The following ANK2 variants were observed in gnomAD, a reference collection of about 807,000 sequenced individuals.
ANK2 encodes ankyrin-2.
Under a neutral mutation model 360.5 loss-of-function variants are expected in ANK2, and 83 were observed. The observed-to-expected ratio is 0.23, with a 90% CI of 0.19 to 0.28. The LOEUF (loss-of-function observed/expected upper bound fraction) is 0.28, where lower values mean the gene tolerates loss of function less well. Among genes scored for constraint, ANK2 ranks in the 10% least tolerant of loss-of-function variants. The pLI, the probability that ANK2 is intolerant of heterozygous loss-of-function variation, is 1.00. For synonymous variants in ANK2, 1,740 were observed against 1,759.5 expected, an observed-to-expected ratio of 0.99 and a Z score of 0.28; for missense variants, 4,201 against 4,795.7, an observed-to-expected ratio of 0.88 and a Z score of 3.66.
intron 2 of ANK2, among the ~76,000 whole-genome samples, chr4:113,029,823 A>G (rs1159168061): frequency 6.6e-6 from 1 of 152,110 alleles, no homozygotes; most frequent in Non-Finnish European, 1.5e-5. Context: ...TTAAAGAGGT[A>G]CAGTTATGGA....
At chr4:112,742,973 A>G in the ANK2 span, among the ~76,000 whole-genome samples, 1 of 152,148 alleles carries the variant, frequency 6.6e-6, no homozygotes, top group African/African-American at 2.4e-5. Flanking sequence ...ACATCTTCTG[A>G]GATCCGTCAG....
intron 14 of ANK2, among the ~76,000 whole-genome samples, chr4:113,269,097 G>T (rs1429683434): frequency 6.6e-6 from 1 of 152,054 alleles, no homozygotes; most frequent in East Asian, 1.9e-4. Context: ...TGATACTCAA[G>T]CCTCTGTAAT....
At chr4:112,809,660 T>C in the ANK2 span, among the ~76,000 whole-genome samples, 1 of 150,332 alleles carries the variant, frequency 6.7e-6, no homozygotes, top group Non-Finnish European at 1.5e-5. Flanking sequence ...GGCGGACAGA[T>C]AGCATGAGCC....
At chr4:112,945,973 G>A (rs535399641) in intron 2 of ANK2, among the ~76,000 whole-genome samples, 1 of 152,198 alleles carries the variant, frequency 6.6e-6, no homozygotes, top group East Asian at 1.9e-4. Context: ...CAGTGACTGG[G>A]AGAGAGTTAG....
chr4:113,323,622 C>A lies in ANK2; in HGVS notation c.2900+5002C>A, dbSNP rs188738461. ...GCCCCCATAACTTGCTCTTCTCGAC[C>A]TATATCTCATTTGGATTTCCATTTG... On this transcript the variant is annotated intron_variant, in intron 26 of 45. Coordinates refer to ENST00000357077, the MANE Select transcript of ANK2 (RefSeq NM_001148.6). 1.3e-4 allele frequency: 95 copies of A among 753,158 alleles called. 2 individuals carry two copies. In the Middle Eastern group the frequency reaches 2.9e-3, roughly 23 times the overall value. 46.7% of individuals were successfully genotyped at this position (753,158 alleles called of 1,614,324 possible).
At chr4:112,727,900 G>A in the ANK2 span, among the ~76,000 whole-genome samples, 1 of 151,984 alleles carries the variant, frequency 6.6e-6, no homozygotes, top group Non-Finnish European at 1.5e-5. Flanking sequence ...TTGCTTGCAC[G>A]CGGGAGGCGG....
rs968422673 is a variant in ANK2 at position 113,025,154 on chromosome 4, G to GC, written c.21+120645dup. On this transcript the variant is annotated intron_variant, in intron 2 of 30. Transcript: ENST00000503271. ...CTAACTAGTCATATTGATCTTTTCT[G>GC]CCCCCTGCCCCAATTTTCCTTAAAC... Among the ~76,000 whole-genome samples the GC allele has an allele frequency of 9.4e-5, 14 of 149,280 alleles. No individual in the cohort carries two copies. In the East Asian group the frequency reaches 1.5e-3, roughly 16 times the overall value.
the ANK2 span, among the ~76,000 whole-genome samples, chr4:112,770,029 C>T: frequency 6.6e-6 from 1 of 152,122 alleles, no homozygotes; most frequent in Non-Finnish European, 1.5e-5. Context: ...ATTTCTTACT[C>T]AATTTCTTCC....
chr4:112,984,241 C>T (rs1179541744), intron 2 of ANK2, among the ~76,000 whole-genome samples: 2 of 152,092 alleles, frequency 1.3e-5, no homozygotes, highest in African/African-American at 2.4e-5. Context: ...GTTTGGTCAG[C>T]GTATTGGTCC....
intron 1 of ANK2, among the ~76,000 whole-genome samples, chr4:112,884,046 CTGAG>C (rs1415513779): frequency 6.6e-6 from 1 of 152,060 alleles, no homozygotes; most frequent in East Asian, 1.9e-4. Flanking sequence ...ACAAATTCCT[CTGAG>C]TGACTATGAA....
intron 2 of ANK2, among the ~76,000 whole-genome samples, chr4:113,016,405 T>C (rs1337495643): frequency 6.6e-6 from 1 of 152,182 alleles, no homozygotes; most frequent in East Asian, 1.9e-4. Context: ...TGCCAAATAC[T>C]GATGCAAGAC....
At chr4:112,745,531 C>CTTTT in the ANK2 span, among the ~76,000 whole-genome samples, 8 of 123,132 alleles carry the variant, frequency 6.5e-5, no homozygotes, top group Admixed American at 9.0e-5. Flanking sequence ...AGTACTAGAT[C>CTTTT]TTTTTTTTTT....
At chr4:113,121,859 T>C (rs1014799762) in intron 1 of ANK2, among the ~76,000 whole-genome samples, 1 of 142,578 alleles carries the variant, frequency 7.0e-6, no homozygotes, top group African/African-American at 2.6e-5. Flanking sequence ...TTTGGGGAAA[T>C]CTCCCCCCCC....
At chr4:112,743,888 T>C in the ANK2 span, among the ~76,000 whole-genome samples, 1 of 150,464 alleles carries the variant, frequency 6.6e-6, no homozygotes, top group African/African-American at 2.5e-5. Flanking sequence ...TGTACTGCAG[T>C]GGCGGATCCA....
chr4:113,002,383 T>C (rs891663857), intron 2 of ANK2, among the ~76,000 whole-genome samples: 5 of 152,190 alleles, frequency 3.3e-5, no homozygotes, highest in Non-Finnish European at 5.9e-5. Context: ...TATGCAGCCA[T>C]AAAAAATGAT....
At chr4:112,718,570 T>C in the ANK2 span, among the ~76,000 whole-genome samples, 1 of 152,146 alleles carries the variant, frequency 6.6e-6, no homozygotes. Context: ...TGCCTCAGCC[T>C]TCCAAAGTGC....
chr4:113,145,565 C>T, intron 1 of ANK2: 5 of 1,016,132 alleles, frequency 4.9e-6, no homozygotes, highest in Non-Finnish European at 5.9e-6. Context: ...TCTCTGTCTG[C>T]CTCACCCCCC....
rs557959713 is a variant in ANK2, at chr4:113,055,178, A to T, written c.84+5366A>T. ...GAGGCTGAGGCAGGAGGATTGCTTG[A>T]CCCCAGGAGTTTGAGACCAGCCTAG... On this transcript the variant is annotated intron_variant, in intron 1 of 45. Coordinates refer to ENST00000357077, the MANE Select transcript of ANK2 (RefSeq NM_001148.6). Among the ~76,000 whole-genome samples, 3 of 151,906 alleles carry T rather than the reference A, an allele frequency of 2.0e-5. No individual in the cohort carries two copies. The South Asian group carries it at 6.2e-4, about 32-fold the overall frequency.
In ANK2 at chr4:113,310,389, A is replaced by G. The variant is rs552795173; in HGVS notation, c.2549-866A>G. Among the ~76,000 whole-genome samples the G allele has an allele frequency of 3.2e-4, 48 of 152,150 alleles. No homozygotes were observed. In the East Asian group the frequency reaches 4.4e-3, roughly 14 times the overall value. Reference sequence around the variant, plus strand: ...GAATTTTGGGGAGTAGGGGTGGGGTAGAAGACTGGGGGAAAGAAAGAGTAT... The same window carrying G: ...GAATTTTGGGGAGTAGGGGTGGGGTGGAAGACTGGGGGAAAGAAAGAGTAT... On this transcript the variant is annotated intron_variant, in intron 23 of 45. Transcript: ENST00000357077.
Sources: gnomAD v4.1 joint callset for allele counts (sites outside exome capture counted in the v4.1 genomes callset) on GRCh38, gnomAD v4.1.1 for gene constraint, MANE v1.5 for transcripts, NCBI Gene and HGNC (gene_info 2026-07-23, HGNC 2026-07-21) for gene names.